DIAPH2: variants seen among roughly 807,000 people sequenced by gnomAD.
The protein encoded by DIAPH2 is protein diaphanous homolog 2.
DIAPH2 carries 35 observed loss-of-function variants against 92.7 expected under a neutral mutation model. The ratio of observed to expected loss-of-function variants is 0.38; its 90% confidence interval spans 0.29 to 0.50. DIAPH2 has a LOEUF of 0.50. DIAPH2 is among the 20% of genes least tolerant of loss of function. The pLI is 0.94. For missense variants in DIAPH2, 701 were observed against 819.5 expected (o/e 0.86, Z 1.77); for synonymous variants, 301 against 280.4 (o/e 1.07, Z -0.73).
chrX:96,995,404 T>C (rs1331028351), intron 17 of DIAPH2, among the ~76,000 whole-genome samples: 1 of 111,753 alleles, frequency 8.9e-6, no homozygotes, highest in Non-Finnish European at 1.9e-5. Context: ...CTATTGAATA[T>C]GATAAGCAGC....
chrX:96,720,318 C>G (rs1249841188), intron 1 of DIAPH2, among the ~76,000 whole-genome samples: 1 of 111,316 alleles, frequency 9.0e-6, no homozygotes, highest in Admixed American at 9.6e-5. Flanking sequence ...ACCACAGGCT[C>G]CAGCTCAGGC....
At chrX:96,844,474 A>G (rs2064957837) in intron 4 of DIAPH2, among the ~76,000 whole-genome samples, 1 of 112,657 alleles carries the variant, frequency 8.9e-6, no homozygotes. Flanking sequence ...AATATTCTTT[A>G]CTAAGTCATT....
At chrX:97,342,936 G>A in intron 23 of DIAPH2, among the ~76,000 whole-genome samples, 1 of 111,387 alleles carries the variant, frequency 9.0e-6, no homozygotes, top group South Asian at 3.8e-4. Flanking sequence ...AAGGCCCTGA[G>A]TTGTCTGTGA....
intron 26 of DIAPH2, among the ~76,000 whole-genome samples, chrX:97,465,924 GTGAT>G (rs2070508509): frequency 9.0e-6 from 1 of 111,408 alleles, no homozygotes; most frequent in African/African-American, 3.3e-5. Context: ...CTGACCTCAG[GTGAT>G]CCACCCACCT....
chrX:97,509,041 T>TTATG (rs2070859842), intron 26 of DIAPH2, among the ~76,000 whole-genome samples: 1 of 104,421 alleles, frequency 9.6e-6, no homozygotes, highest in Non-Finnish European at 2.0e-5. Flanking sequence ...ATTTATTTAT[T>TTATG]TATTTATTTA....
At chrX:97,250,637 G>A (rs1342367832) in intron 23 of DIAPH2, among the ~76,000 whole-genome samples, 1 of 111,621 alleles carries the variant, frequency 9.0e-6, no homozygotes, top group Non-Finnish European at 1.9e-5. Context: ...ATTATGTATG[G>A]TTTGTTAATT....
At chrX:96,892,346 T>A (rs954759410) in intron 5 of DIAPH2, among the ~76,000 whole-genome samples, 1 of 112,239 alleles carries the variant, frequency 8.9e-6, no homozygotes, top group Non-Finnish European at 1.9e-5. Context: ...TTTTAAATAT[T>A]GGTATTTGGA....
chrX:97,486,329 C>T (rs1281559491), intron 26 of DIAPH2, among the ~76,000 whole-genome samples: 2 of 111,837 alleles, frequency 1.8e-5, no homozygotes, highest in African/African-American at 3.2e-5. Flanking sequence ...TAAAGTTACT[C>T]TAGACCAAAA....
chrX:97,394,943 A>G (rs1342559652), intron 25 of DIAPH2, among the ~76,000 whole-genome samples: 1 of 111,477 alleles, frequency 9.0e-6, no homozygotes, highest in Non-Finnish European at 1.9e-5. Flanking sequence ...CCTGCTCCCT[A>G]CATGGTGTAT....
At chrX:96,887,860 G>A (rs1256122758) in intron 5 of DIAPH2, among the ~76,000 whole-genome samples, 1 of 111,200 alleles carries the variant, frequency 9.0e-6, no homozygotes, top group Non-Finnish European at 1.9e-5. Flanking sequence ...CTTCTGAAAT[G>A]CTTATTAAAG....
At chrX:97,014,803 A>G (rs983494763) in intron 17 of DIAPH2, among the ~76,000 whole-genome samples, 3 of 112,058 alleles carry the variant, frequency 2.7e-5, no homozygotes, top group Non-Finnish European at 5.6e-5. Flanking sequence ...GTTAAATAGG[A>G]AGGACAATAA....
intron 4 of DIAPH2, among the ~76,000 whole-genome samples, chrX:96,833,134 A>G (rs12689324): frequency 0.1 from 11,306 of 110,363 alleles, 538 homozygotes; most frequent in East Asian, 0.32. Context: ...TACTTTTTAC[A>G]GGGGAGGCAC....
chrX:97,330,683 T>G (rs1226309438), intron 23 of DIAPH2, among the ~76,000 whole-genome samples: 1 of 110,050 alleles, frequency 9.1e-6, no homozygotes, highest in Non-Finnish European at 1.9e-5. Flanking sequence ...CAGCTAACTT[T>G]CGTATTTTTA....
chrX:97,351,660 G>A (rs979029448), intron 24 of DIAPH2, among the ~76,000 whole-genome samples: 8 of 110,806 alleles, frequency 7.2e-5, no homozygotes, highest in Non-Finnish European at 1.1e-4. Context: ...AAAATTAGCC[G>A]GGCGTGGTGG....
intron 19 of DIAPH2, among the ~76,000 whole-genome samples, chrX:97,088,711 A>C (rs661342): frequency 0.39 from 43,700 of 110,768 alleles, 6,191 homozygotes; most frequent in Admixed American, 0.44. Flanking sequence ...AGAACCACCC[A>C]ATGTCCTTTA....
intron 26 of DIAPH2, among the ~76,000 whole-genome samples, chrX:97,552,592 A>G (rs1332196225): frequency 2.0e-5 from 2 of 101,260 alleles, no homozygotes; most frequent in African/African-American, 7.3e-5. Flanking sequence ...TTTTTTTACT[A>G]TAAGATAAAC....
intron 26 of DIAPH2, among the ~76,000 whole-genome samples, chrX:97,430,471 T>C (rs926194481): frequency 9.8e-5 from 11 of 112,411 alleles, no homozygotes; most frequent in Admixed American, 4.7e-4. Context: ...TCAGTAAAGT[T>C]TTCTATTTGT....
At chrX:97,261,569 ATTTAC>A (rs1313475074) in intron 23 of DIAPH2, among the ~76,000 whole-genome samples, 7 of 109,946 alleles carry the variant, frequency 6.4e-5, no homozygotes, top group Non-Finnish European at 1.3e-4. Flanking sequence ...TTTATTTTTT[ATTTAC>A]TTTATTTTTA....
chrX:97,551,153 T>C (rs1430451794), intron 26 of DIAPH2, among the ~76,000 whole-genome samples: 2 of 110,958 alleles, frequency 1.8e-5, no homozygotes, highest in Non-Finnish European at 3.8e-5. Context: ...AAAAAATAGA[T>C]TGAAGGCCAC....
Sources: gnomAD v4.1 joint callset for allele counts (sites outside exome capture counted in the v4.1 genomes callset) on GRCh38, gnomAD v4.1.1 for gene constraint, MANE v1.5 for transcripts, NCBI Gene and HGNC (gene_info 2026-07-23, HGNC 2026-07-21) for gene names.